Variants in PODXL2 observed in about 807,000 individuals in gnomAD.
The protein encoded by PODXL2 is podocalyxin-like protein 2.
A neutral mutation model predicts 53.4 loss-of-function variants in PODXL2; 17 were observed. The ratio of observed to expected loss-of-function variants is 0.32; its 90% CI spans 0.22 to 0.48. The LOEUF is 0.48. PODXL2 is among the 20% of genes least tolerant of loss of function. The pLI is 0.99. For synonymous variants in PODXL2, 311 were observed against 306.7 expected (o/e 1.01, Z -0.15); for missense variants, 673 against 760.0 (o/e 0.89, Z 1.35).
chr3:127,652,301 A>G (rs557885254), intron 2 of PODXL2, among the ~76,000 whole-genome samples: 2 of 152,148 alleles, frequency 1.3e-5, no homozygotes, highest in Non-Finnish European at 2.9e-5. Flanking sequence ...TGGAGACCCA[A>G]CTGTTCTGAG....
intron 6 of PODXL2, 63 bp from the exon 7 acceptor site, chr3:127,671,371 A>C (rs1576437480): frequency 6.8e-7 from 1 of 1,465,206 alleles, no homozygotes; most frequent in Non-Finnish European, 9.5e-7. Context: ...CAATGCAACC[A>C]CCCCAGAGGA....
intron 5 of PODXL2, 58 bp from the exon 6 acceptor site, chr3:127,669,083 T>C: frequency 8.2e-7 from 1 of 1,217,618 alleles, no homozygotes; most frequent in Non-Finnish European, 1.2e-6. Context: ...CCAGAGCCCT[T>C]GGAGGGGCAC....
intron 2 of PODXL2, among the ~76,000 whole-genome samples, chr3:127,654,417 C>T (rs899248373): frequency 6.6e-6 from 1 of 152,180 alleles, no homozygotes; most frequent in East Asian, 1.9e-4. Context: ...TCCAGTCTCA[C>T]GGGCCCTCTC....
intron 2 of PODXL2, among the ~76,000 whole-genome samples, chr3:127,653,488 T>TA (rs1230106892): frequency 6.6e-6 from 1 of 151,968 alleles, no homozygotes; most frequent in African/African-American, 2.4e-5. Context: ...CTACTAAAAA[T>TA]ACAAAAAATT....
At chr3:127,631,306 G>A (rs2074543738) in intron 1 of PODXL2, among the ~76,000 whole-genome samples, 1 of 152,180 alleles carries the variant, frequency 6.6e-6, no homozygotes, top group Admixed American at 6.5e-5. Flanking sequence ...GGGAGAGGTG[G>A]GGTGTAGCTG....
intron 4 of PODXL2, among the ~76,000 whole-genome samples, 173 bp from the exon 5 acceptor site, chr3:127,668,268 G>C (rs985367499): frequency 2.0e-5 from 3 of 152,236 alleles, no homozygotes; most frequent in African/African-American, 7.2e-5. Flanking sequence ...ACATCTTGGG[G>C]TTCCCACATT....
At chr3:127,637,236 C>A (rs2074583058) in intron 1 of PODXL2, among the ~76,000 whole-genome samples, 1 of 152,196 alleles carries the variant, frequency 6.6e-6, no homozygotes, top group African/African-American at 2.4e-5. Flanking sequence ...CGTTTACTAG[C>A]CCTGGTCAGA....
At position 127,661,031 on chromosome 3, in the gene PODXL2, C is replaced by G; in HGVS notation, c.1003C>G (p.Pro335Ala). The change falls in exon 3 of 8, where the codon CCA becomes GCA. Residue 335 changes from proline (P) to alanine (A), a missense_variant. Physicochemically the swap from Pro to Ala is conservative, Grantham distance 27. Transcript: ENST00000342480. ...TGGCTCTAGAACCTCAGCCTCTTCC[C>G]CACTGGCCCCTGGAGACATGGAACT... ...PLGSRTSASS[P>A]LAPGDMELTP... 1 of 1,614,244 alleles carries G rather than the reference C, an allele frequency of 6.2e-7. No individual in the cohort carries two copies. Among genetic ancestry groups the G allele is most frequent in the Non-Finnish European group, 8.5e-7 (1 of 1,180,028 alleles).
chr3:127,636,405 TGAGCTA>T (rs2074578925), intron 1 of PODXL2, among the ~76,000 whole-genome samples: 1 of 152,200 alleles, frequency 6.6e-6, no homozygotes, highest in Non-Finnish European at 1.5e-5. Context: ...GGGAAAGTCT[TGAGCTA>T]GAGAGAGTAC....
chr3:127,660,100 T>C (rs2074754665), intron 2 of PODXL2, among the ~76,000 whole-genome samples: 1 of 152,348 alleles, frequency 6.6e-6, no homozygotes, highest in Admixed American at 6.5e-5. Context: ...AAACTACTCA[T>C]GGCTCTTTTG....
At position 127,660,753 on chromosome 3, in the gene PODXL2, G is replaced by A. The variant is rs1371827120; in HGVS notation, c.725G>A (p.Ser242Asn). The change falls in exon 3 of 8, where the codon AGC becomes AAC. Residue 242 changes from serine (S) to asparagine (N), a missense_variant. By Grantham distance (46) the Ser-to-Asn change is conservative (BLOSUM62 1). Around this residue, in one of 3 missense-constraint regions of PODXL2, gnomAD observed 588 missense variants for 668.3 expected, o/e 0.88. Transcript: ENST00000342480. Reference protein sequence around the residue: ...GVEVESSMGPSLLLPSVTPTT... With the variant: ...GVEVESSMGPNLLLPSVTPTT... ...GAGGTGGAGAGCAGCATGGGGCCCA[G>A]CTTGCTGCTGCCTTCAGTCACCCCA... The A allele has an allele frequency of 1.2e-6, 2 of 1,614,100 alleles. No homozygotes were observed. Among genetic ancestry groups the A allele is most frequent in the South Asian group, 2.2e-5 (2 of 91,092 alleles).
intron 4 of PODXL2, among the ~76,000 whole-genome samples, chr3:127,664,688 C>T (rs2074785786): frequency 6.6e-6 from 1 of 151,864 alleles, no homozygotes; most frequent in African/African-American, 2.4e-5. Context: ...AAACAGTGGC[C>T]ATCCTGAGAG....
chr3:127,644,668 A>G (rs1301533157), intron 2 of PODXL2, among the ~76,000 whole-genome samples: 1 of 152,120 alleles, frequency 6.6e-6, no homozygotes, highest in African/African-American at 2.4e-5. Flanking sequence ...CCTAGGTCTC[A>G]TAAGAATAAA....
intron 4 of PODXL2, among the ~76,000 whole-genome samples, chr3:127,665,689 G>C (rs1223244814): frequency 6.6e-6 from 1 of 152,204 alleles, no homozygotes; most frequent in Non-Finnish European, 1.5e-5. Context: ...TCATCCTTTA[G>C]TGAAAATCCT....
chr3:127,671,759 C>T, intron 7 of PODXL2, 146 bp downstream of exon 7: 2 of 770,718 alleles, frequency 2.6e-6, no homozygotes, highest in Non-Finnish European at 4.3e-6. Flanking sequence ...GCACTGCTGA[C>T]TGCTCTGCAG....
In PODXL2 at chr3:127,633,469, ATT is replaced by A. The variant is rs1368401119; in HGVS notation, c.70+4183_70+4184del. On this transcript the variant is annotated intron_variant, in intron 1 of 7. Transcript: ENST00000342480. ...GTAAAACAAGAGGGTTGGATTACAA[ATT>A]TTGTGTGTGTGTGTGTGTGTGTGTG... 3.0e-4 allele frequency among the ~76,000 whole-genome samples: 26 copies of A among 87,992 alleles called. 1 individual carries two copies. The highest frequency in any genetic ancestry group is 3.3e-4 in the Non-Finnish European group (14 of 42,148). The allele number at this position is 87,992 out of a possible 152,430, so 57.7% of individuals were successfully genotyped here.
At chr3:127,663,058 T>A (rs2074777204) in intron 4 of PODXL2, among the ~76,000 whole-genome samples, 1 of 152,328 alleles carries the variant, frequency 6.6e-6, no homozygotes, top group Middle Eastern at 3.4e-3. Context: ...TGTCTGATGC[T>A]CTCTAGGTCA....
rs1250604692 is a variant in PODXL2 at position 127,669,194 on chromosome 3, C to T, written c.1417C>T (p.Leu473=). 3 of 1,606,658 alleles carry T rather than the reference C, an allele frequency of 1.9e-6. No homozygotes were observed. Among genetic ancestry groups the T allele is most frequent in the Non-Finnish European group, 2.5e-6 (3 of 1,176,714 alleles). ...LSMLGDIRRS[L]EEIGIQNYST... is the part of the protein sequence containing the mutation. ...CATGCTGGGTGACATCCGCAGGAGC[C>T]TGGAGGAGGTAAGAGTGCAGGGACC... The change falls in exon 6 of 8, where the codon CTG becomes TTG. Residue 473 remains leucine (L), a synonymous_variant. Transcript: ENST00000342480.
In PODXL2 at chr3:127,671,547, C is replaced by A. The variant is rs367790025; in HGVS notation, c.1539C>A (p.Ile513=). 1.9e-5 allele frequency: 30 copies of A among 1,614,030 alleles called. No homozygotes were observed. The highest frequency in any genetic ancestry group is 2.4e-5 in the Non-Finnish European group (28 of 1,180,012). The change falls in exon 7 of 8, where the codon ATC becomes ATA. Residue 513 remains isoleucine (I), a synonymous_variant. Coordinates refer to ENST00000342480, the MANE Select transcript of PODXL2 (RefSeq NM_015720.4). ...VVLVVIGAIC[I]IIIALGLLYN... ...TGGTGGTCATTGGGGCCATCTGCAT[C>A]ATCATCATTGCGCTTGGCCTGCTCT...
Sources: gnomAD v4.1 joint callset for allele counts (sites outside exome capture counted in the v4.1 genomes callset) on GRCh38, gnomAD v4.1.1 for gene constraint, gnomAD v4.1.1 regional missense constraint, MANE v1.5 for transcripts, NCBI Gene and HGNC (gene_info 2026-07-23, HGNC 2026-07-21) for gene names.